The following CIB1 variants were observed in gnomAD, a reference collection of about 807,000 sequenced individuals.
The protein encoded by CIB1 is calcium and integrin-binding protein 1.
In CIB1, 19 loss-of-function variants were observed where a neutral mutation model predicts 25.0. That is an observed-to-expected ratio of 0.76 (90% CI 0.53 to 1.12). The LOEUF (loss-of-function observed/expected upper bound fraction) is 1.12, where lower values mean the gene tolerates loss of function less well. Ranked by LOEUF, CIB1 falls within the 50% of genes most tolerant of loss-of-function variation. The pLI is 0.00. For missense variants in CIB1, 236 were observed against 242.6 expected (o/e 0.97, Z 0.18); for synonymous variants, 104 against 98.5 (o/e 1.06, Z -0.33).
At chr15:90,265,370 CCCTG>C in the CIB1 span, 37 of 1,234,798 alleles carry the variant, frequency 3.0e-5, no homozygotes, top group Middle Eastern at 6.6e-4. Flanking sequence ...CGAGCGGAAG[CCCTG>C]CCCACCGAGG....
chr15:90,241,980 C>G, the CIB1 span: 18 of 1,614,192 alleles, frequency 1.1e-5, no homozygotes, highest in Non-Finnish European at 1.5e-5. Context: ...TGCTGTGGCC[C>G]TCATTCAGGA....
upstream of CIB1, among the ~76,000 whole-genome samples, chr15:90,235,292 G>A (rs1014480765): frequency 8.5e-5 from 13 of 152,148 alleles, no homozygotes; most frequent in East Asian, 5.8e-4. Context: ...AAGGCCAGGC[G>A]CGGTGGCTCA....
At chr15:90,246,922 T>C in the CIB1 span, among the ~76,000 whole-genome samples, 1 of 150,338 alleles carries the variant, frequency 6.7e-6, no homozygotes, top group African/African-American at 2.4e-5. Flanking sequence ...GCAATGAGTG[T>C]CCTGGAAGTC....
chr15:90,246,787 C>CAAAAAAAAAAAAAAAAAA, the CIB1 span, among the ~76,000 whole-genome samples: 3 of 45,248 alleles, frequency 6.6e-5, no homozygotes, highest in Non-Finnish European at 1.3e-4. Flanking sequence ...GACTCTGTCT[C>CAAAAAAAAAAAAAAAAAA]AAAAAAAAAA....
the CIB1 span, chr15:90,258,352 G>C: frequency 0.36 from 428,894 of 1,198,330 alleles, 82,135 homozygotes; most frequent in East Asian, 0.68. Flanking sequence ...GTACACTCAG[G>C]TGGTGGAACA....
At chr15:90,263,869 G>T in the CIB1 span, 4 of 979,146 alleles carry the variant, frequency 4.1e-6, no homozygotes, top group Admixed American at 6.0e-5. Flanking sequence ...TCTGCCCCAT[G>T]AATCAATCCC....
chr15:90,265,614 T>C, the CIB1 span: 8 of 1,486,002 alleles, frequency 5.4e-6, no homozygotes, highest in Middle Eastern at 2.4e-4. Context: ...AATAACTTGC[T>C]ACTACCCAGC....
At chr15:90,261,169 C>A in the CIB1 span, among the ~76,000 whole-genome samples, 18 of 150,674 alleles carry the variant, frequency 1.2e-4, no homozygotes, top group African/African-American at 4.4e-4. Flanking sequence ...ACTTCCACCT[C>A]CTGGGTTCAA....
the CIB1 span, chr15:90,265,327 CA>C: frequency 8.2e-7 from 1 of 1,221,440 alleles, no homozygotes; most frequent in Non-Finnish European, 1.0e-6. Flanking sequence ...GCCGAGTGCC[CA>C]AGGCACTGGG....
intron 1 of CIB1, 54 bp from the exon 2 acceptor site, chr15:90,233,757 C>A (rs1324834555): frequency 5.2e-6 from 8 of 1,553,266 alleles, no homozygotes; most frequent in Non-Finnish European, 7.0e-6. Context: ...GCCGCGGCCG[C>A]CCCGCAGCCA....
At chr15:90,263,938 C>G in the CIB1 span, 2 of 1,520,512 alleles carry the variant, frequency 1.3e-6, no homozygotes, top group African/African-American at 2.7e-5. Context: ...TCCCCGGTAC[C>G]ATCTGCAGCC....
the CIB1 span, among the ~76,000 whole-genome samples, chr15:90,260,842 C>T: frequency 7.3e-6 from 1 of 137,380 alleles, no homozygotes; most frequent in Admixed American, 7.5e-5. Context: ...TAGAGCAGGA[C>T]TCTGTCTCAA....
chr15:90,232,885 G>A (rs1056081933), intron 2 of CIB1, among the ~76,000 whole-genome samples: 1 of 151,644 alleles, frequency 6.6e-6, no homozygotes, highest in African/African-American at 2.4e-5. Flanking sequence ...AGCCAAGATC[G>A]TGCCCCAGCA....
chr15:90,265,202 C>T, the CIB1 span: 1 of 1,346,932 alleles, frequency 7.4e-7, no homozygotes, highest in African/African-American at 1.5e-5. Flanking sequence ...GCCATGTACT[C>T]ATTTCTGCTC....
chr15:90,262,405 C>T, the CIB1 span: 1 of 1,341,942 alleles, frequency 7.5e-7, no homozygotes, highest in Non-Finnish European at 9.8e-7. Flanking sequence ...ATTGTAATTT[C>T]CTGCTCTTTC....
Position 90,230,391 on chromosome 15 carries a change from G to T in CIB1, c.*93C>A. 6.8e-7 allele frequency: 1 copy of T among 1,471,806 alleles called. No homozygotes were observed. Among genetic ancestry groups the T allele is most frequent in the Non-Finnish European group, 9.3e-7 (1 of 1,076,770 alleles). The allele number at this position is 1,471,806 out of a possible 1,614,324, so 91.2% of individuals were successfully genotyped here. A position where few individuals can be genotyped will look rare whatever the true frequency, so the allele number is the denominator to read the frequency against. ...CGCCAGCTCCAGGCTGGGCCAGCTTGGCCCGCACTGGCAACACAGGCTTGA... is the reference window on the plus strand; with the variant it reads ...CGCCAGCTCCAGGCTGGGCCAGCTTTGCCCGCACTGGCAACACAGGCTTGA... On this transcript the variant is annotated 3_prime_UTR_variant, in exon 7 of 7. Coordinates refer to ENST00000328649, the MANE Select transcript of CIB1 (RefSeq NM_006384.4).
chr15:90,250,918 C>G, the CIB1 span: 1 of 1,607,612 alleles, frequency 6.2e-7, no homozygotes, highest in South Asian at 1.1e-5. Flanking sequence ...CTCAACTGCC[C>G]AGCTCCAGGG....
At chr15:90,233,969 C>G, upstream of CIB1, 1 of 1,393,916 alleles carries the variant, frequency 7.2e-7, no homozygotes. Flanking sequence ...GCGTCACTGC[C>G]CGGTCCCCGC....
At chr15:90,264,056 G>T in the CIB1 span, 1 of 1,529,752 alleles carries the variant, frequency 6.5e-7, no homozygotes, top group Non-Finnish European at 8.8e-7. Context: ...AGGCTCACTA[G>T]CCGTAAGTAT....
Sources: gnomAD v4.1 joint callset for allele counts (sites outside exome capture counted in the v4.1 genomes callset) on GRCh38, gnomAD v4.1.1 for gene constraint, MANE v1.5 for transcripts, NCBI Gene and HGNC (gene_info 2026-07-23, HGNC 2026-07-21) for gene names.